Variants in EDNRB observed in about 807,000 individuals in gnomAD.
EDNRB encodes the protein Hirschsprung disease 2.
A neutral mutation model predicts 46.4 loss-of-function variants in EDNRB; 18 were observed. The observed-to-expected ratio is 0.39, with a 90% CI of 0.27 to 0.57. EDNRB has a LOEUF of 0.57. Among genes scored for constraint, EDNRB ranks in the 20% least tolerant of loss-of-function variants. EDNRB has a pLI of 0.61. For missense variants in EDNRB, 434 were observed against 537.5 expected, an observed-to-expected ratio of 0.81 and a Z score of 1.90; for synonymous variants, 213 against 204.9, an observed-to-expected ratio of 1.04 and a Z score of -0.34.
chr13:77,919,887 A>G (rs1880023857), upstream of EDNRB: 1 of 314,958 alleles, frequency 3.2e-6, no homozygotes, highest in African/African-American at 2.1e-5. Context: ...TGATAATTGA[A>G]CTTTTAATGC....
intron 1 of EDNRB, among the ~76,000 whole-genome samples, chr13:77,941,098 A>G (rs1293881493): frequency 6.6e-6 from 1 of 152,236 alleles, no homozygotes; most frequent in African/African-American, 2.4e-5. Context: ...AGCTCATAAT[A>G]TAGTTCTTAG....
At chr13:77,934,101 G>A (rs992107166) in intron 1 of EDNRB, among the ~76,000 whole-genome samples, 1 of 152,182 alleles carries the variant, frequency 6.6e-6, no homozygotes, top group African/African-American at 2.4e-5. Context: ...ATGGCTTGGA[G>A]AAGCAGCGTA....
intron 1 of EDNRB, among the ~76,000 whole-genome samples, chr13:77,942,788 AAAG>A (rs55751548): frequency 0.6 from 90,456 of 151,506 alleles, 28,198 homozygotes; most frequent in Middle Eastern, 0.74. Flanking sequence ...GAAATAGAGA[AAAG>A]AAGCATTTTC....
At chr13:77,919,185 A>T (rs1053662996), upstream of EDNRB, 7 of 595,726 alleles carry the variant, frequency 1.2e-5, no homozygotes, top group East Asian at 1.2e-4. Flanking sequence ...ACCCGCAGAG[A>T]CTTCTCAAGT....
chr13:77,959,107 A>G (rs1034767009), intron 1 of EDNRB, among the ~76,000 whole-genome samples: 2 of 152,154 alleles, frequency 1.3e-5, no homozygotes, highest in Non-Finnish European at 2.9e-5. Context: ...TTTCTCCTAT[A>G]CTCAAATATC....
chr13:77,953,991 A>C (rs1238955547), intron 1 of EDNRB, among the ~76,000 whole-genome samples: 1 of 152,212 alleles, frequency 6.6e-6, no homozygotes, highest in Non-Finnish European at 1.5e-5. Context: ...AAACAGATAC[A>C]ATATTATGAT....
chr13:77,899,579 G>A (rs1275317513), intron 6 of EDNRB: 2 of 361,540 alleles, frequency 5.5e-6, no homozygotes, highest in South Asian at 2.7e-5. Flanking sequence ...ATGCCTATCA[G>A]ACATCAATGC....
intron 1 of EDNRB, among the ~76,000 whole-genome samples, chr13:77,948,707 A>G (rs1881000849): frequency 6.6e-6 from 1 of 152,170 alleles, no homozygotes; most frequent in Admixed American, 6.5e-5. Context: ...TTATTATAAG[A>G]ATATTGATAT....
intron 1 of EDNRB, among the ~76,000 whole-genome samples, chr13:77,974,099 G>T (rs1252942700): frequency 6.6e-6 from 1 of 151,826 alleles, no homozygotes; most frequent in African/African-American, 2.4e-5. Context: ...TTGCAAGTTT[G>T]GGATTTTAAT....
upstream of EDNRB, chr13:77,919,675 C>A (rs912375038): frequency 1.3e-6 from 2 of 1,499,784 alleles, no homozygotes; most frequent in Non-Finnish European, 1.8e-6. Flanking sequence ...CCGCTGCAAC[C>A]TTTCCCCTTG....
chr13:77,968,301 C>A (rs150702747), intron 1 of EDNRB, among the ~76,000 whole-genome samples: 1 of 151,926 alleles, frequency 6.6e-6, no homozygotes, highest in Non-Finnish European at 1.5e-5. Context: ...GAATTAGAAT[C>A]CTTTTATATT....
At chr13:77,923,987 CA>C (rs1441063679), upstream of EDNRB, among the ~76,000 whole-genome samples, 2 of 152,128 alleles carry the variant, frequency 1.3e-5, no homozygotes, top group Non-Finnish European at 2.9e-5. Flanking sequence ...CAAAATCTGC[CA>C]AAATCTGTAA....
At chr13:77,901,367 CAAAT>C (rs1461478422) in intron 3 of EDNRB, among the ~76,000 whole-genome samples, 160 bp from the exon 4 acceptor site, 3 of 151,868 alleles carry the variant, frequency 2.0e-5, no homozygotes, top group Admixed American at 6.6e-5. Context: ...ACTTACTGAA[CAAAT>C]AAATAGTCAT....
chr13:77,969,998 A>G (rs1418967930), intron 1 of EDNRB, among the ~76,000 whole-genome samples: 1 of 152,186 alleles, frequency 6.6e-6, no homozygotes, highest in Non-Finnish European at 1.5e-5. Flanking sequence ...AATTGGTTGG[A>G]ATGTTTCTTT....
At chr13:77,960,910 C>T (rs2137684483) in intron 1 of EDNRB, among the ~76,000 whole-genome samples, 1 of 143,814 alleles carries the variant, frequency 7.0e-6, no homozygotes, top group African/African-American at 2.6e-5. Context: ...TCTGATAAAA[C>T]AGACTTTAAA....
At chr13:77,972,872 T>C (rs145611475) in intron 1 of EDNRB, among the ~76,000 whole-genome samples, 505 of 152,144 alleles carry the variant, frequency 3.3e-3, no homozygotes, top group African/African-American at 0.012. Flanking sequence ...CTGGAGGGGG[T>C]GGCGCTTTCT....
At chr13:77,960,762 A>G (rs1414964822) in intron 1 of EDNRB, among the ~76,000 whole-genome samples, 2 of 152,156 alleles carry the variant, frequency 1.3e-5, no homozygotes, top group African/African-American at 2.4e-5. Flanking sequence ...TAAAGAGTCA[A>G]GAACCATCAG....
At chr13:77,960,449 G>A (rs954523774) in intron 1 of EDNRB, among the ~76,000 whole-genome samples, 2 of 152,116 alleles carry the variant, frequency 1.3e-5, no homozygotes, top group South Asian at 4.1e-4. Context: ...AGCTTCATAA[G>A]TGAAGGAGAA....
chr13:77,928,805 G>A (rs889212115), intron 1 of EDNRB, among the ~76,000 whole-genome samples: 11 of 152,150 alleles, frequency 7.2e-5, no homozygotes, highest in Admixed American at 4.6e-4. Context: ...TTGTCTTAGT[G>A]ACGTTTTCAC....
Sources: allele counts gnomAD v4.1 joint callset (sites outside exome capture counted in the v4.1 genomes callset), GRCh38; gene constraint gnomAD v4.1.1; transcripts MANE v1.5; gene names NCBI Gene and HGNC (gene_info 2026-07-23, HGNC 2026-07-21).